Variants in UQCC2 observed in about 807,000 individuals in gnomAD.
UQCC2 encodes breast cancer-associated protein SGA-81M.
Under a neutral mutation model 19.9 loss-of-function variants are expected in UQCC2, and 21 were observed. The ratio of observed to expected loss-of-function variants is 1.05; its 90% CI spans 0.75 to 1.52. The LOEUF (loss-of-function observed/expected upper bound fraction) is 1.52, where lower values mean the gene tolerates loss of function less well. Ranked by LOEUF, UQCC2 falls within the 40% of genes most tolerant of loss-of-function variation. UQCC2 has a pLI of 0.00. For synonymous variants in UQCC2, 57 were observed against 60.9 expected (o/e 0.94, Z 0.30); for missense variants, 135 against 157.5 (o/e 0.86, Z 0.76).
rs550441724 is a variant in UQCC2 at position 33,697,857 on chromosome 6, CAG to C, written c.284-109_284-108del. On this transcript the variant is annotated intron_variant, in intron 3 of 3. Transcript: ENST00000607484. ...ACACAAGCATGGCTTGCTTTTCACA[CAG>C]TGTGTTCCTGAAAAAGGTGGAGACC... The C allele has an allele frequency of 0.02, 16,559 of 847,292 alleles. 225 individuals carry two copies. The highest frequency in any genetic ancestry group is 0.027 in the Non-Finnish European group (14,404 of 543,318). The allele number at this position is 847,292 out of a possible 1,614,324, so 52.5% of individuals were successfully genotyped here. A position where few individuals can be genotyped will look rare whatever the true frequency, so the allele number is the denominator to read the frequency against.
Position 33,697,716 on chromosome 6 carries a change from G to T in UQCC2, c.318C>A (p.Gly106=), listed in dbSNP as rs1043762072. The part of the protein sequence containing the change: ...TLEELKEIDK[G]MWKKLQEKFA... ...ACTTCTCCTGCAGTTTCTTCCACAT[G>T]CCTTTATCTATTTCCTTAAGCTCTT... Residue 106 remains glycine, a synonymous_variant, in exon 4 of 4, where the codon GGC becomes GGA. Transcript: ENST00000607484. 6.2e-7 allele frequency: 1 copy of T among 1,614,016 alleles called. No homozygotes were observed. Among genetic ancestry groups the T allele is most frequent in the African/African-American group, 1.3e-5 (1 of 74,924 alleles).
chr6:33,706,085 T>A (rs1052145084), intron 1 of UQCC2, among the ~76,000 whole-genome samples: 1 of 152,238 alleles, frequency 6.6e-6, no homozygotes, highest in African/African-American at 2.4e-5. Flanking sequence ...CTGCAGGCAC[T>A]GATTTCGATT....
intron 1 of UQCC2, among the ~76,000 whole-genome samples, chr6:33,709,975 G>GC (rs1765746868): frequency 6.6e-6 from 1 of 152,132 alleles, no homozygotes; most frequent in Non-Finnish European, 1.5e-5. Flanking sequence ...GCTTAACACC[G>GC]AACTCGAGAT....
At chr6:33,704,330 A>G (rs1279113672) in intron 1 of UQCC2, among the ~76,000 whole-genome samples, 1 of 152,220 alleles carries the variant, frequency 6.6e-6, no homozygotes, top group Non-Finnish European at 1.5e-5. Context: ...GGATGGGCGC[A>G]TGTACCGGCA....
rs771401181 is a variant in UQCC2 at position 33,707,487 on chromosome 6, G to C, written c.138+4062C>G. Among the ~76,000 whole-genome samples the C allele has an allele frequency of 2.6e-4, 40 of 152,230 alleles. 1 individual carries two copies. Among genetic ancestry groups the C allele is most frequent in the Non-Finnish European group, 4.9e-4 (33 of 68,032 alleles). ...AAAAAACCTTTGAATTCTCCTCTGA[G>C]AAGGTGGAAATACCATTTACCTTAT... On this transcript the variant is annotated intron_variant, in intron 1 of 3. Transcript: ENST00000607484.
Position 33,705,121 on chromosome 6 carries a change from T to C in UQCC2, c.139-3701A>G, listed in dbSNP as rs188566239. Reference sequence around the variant, plus strand: ...ATCTTGGCTCACTGCAAGCTCCGCCTCCCGGGTTCATGCCATTCTCCTGCC... The same window carrying C: ...ATCTTGGCTCACTGCAAGCTCCGCCCCCCGGGTTCATGCCATTCTCCTGCC... On this transcript the variant is annotated intron_variant, in intron 1 of 3. Coordinates refer to ENST00000607484, the MANE Select transcript of UQCC2 (RefSeq NM_032340.4). 4.1e-3 allele frequency among the ~76,000 whole-genome samples: 609 copies of C among 150,306 alleles called. 6 individuals carry two copies. Among genetic ancestry groups the C allele is most frequent in the African/African-American group, 0.013 (536 of 41,008 alleles).
At position 33,696,821 on chromosome 6, in the gene UQCC2, T is replaced by C. The variant is rs940110536; in HGVS notation, c.*832A>G. On this transcript the variant is annotated 3_prime_UTR_variant, in exon 4 of 4. Coordinates refer to ENST00000607484, the MANE Select transcript of UQCC2 (RefSeq NM_032340.4). ...GCATTTCAGAACATCCTGAGGAGTC[T>C]AGACACAGACGAGGTTAAGAACCCA... The C allele has an allele frequency of 1.5e-4, 23 of 152,396 alleles. No homozygotes were observed. The highest frequency in any genetic ancestry group is 4.3e-4 in the African/African-American group (18 of 41,590). 9.4% of individuals were successfully genotyped at this position (152,396 alleles called of 1,614,324 possible).
intron 2 of UQCC2, among the ~76,000 whole-genome samples, chr6:33,700,875 G>C (rs539218752): frequency 6.6e-6 from 1 of 152,314 alleles, no homozygotes; most frequent in South Asian, 2.1e-4. Context: ...GGCCACAAAT[G>C]TTTGTGGAGT....
chr6:33,705,778 G>A (rs1265826291), intron 1 of UQCC2, among the ~76,000 whole-genome samples: 3 of 152,152 alleles, frequency 2.0e-5, no homozygotes, highest in Non-Finnish European at 4.4e-5. Flanking sequence ...CTGATGAAAT[G>A]GACGGTGCAT....
At chr6:33,711,249 C>T (rs1364558540) in intron 1 of UQCC2, among the ~76,000 whole-genome samples, 1 of 152,170 alleles carries the variant, frequency 6.6e-6, no homozygotes, top group Non-Finnish European at 1.5e-5. Context: ...TGGGCTCAAG[C>T]GATCCTCCCG....
rs760871121 is a variant in UQCC2, at chr6:33,711,536, C to T, written c.138+13G>A. 2 of 1,591,140 alleles carry T rather than the reference C, an allele frequency of 1.3e-6. No individual in the cohort carries two copies. Among genetic ancestry groups the T allele is most frequent in the Non-Finnish European group, 8.6e-7 (1 of 1,169,166 alleles). On this transcript the variant is annotated intron_variant, in intron 1 of 3. Transcript: ENST00000607484. ...TTTCCTCCCCTCGTCCCAGCCGCCT[C>T]CCCGCCGGTCACCTGGGTATTCTCT... is the stretch of plus-strand genomic sequence containing the variant.
chr6:33,698,128 C>G (rs1325475982), intron 3 of UQCC2: 1 of 185,888 alleles, frequency 5.4e-6, no homozygotes, highest in Non-Finnish European at 1.1e-5. Flanking sequence ...GCCTGCTCCA[C>G]ACAGCCCTTC....
At chr6:33,711,322 G>A (rs1482266863) in intron 1 of UQCC2, among the ~76,000 whole-genome samples, 1 of 152,224 alleles carries the variant, frequency 6.6e-6, no homozygotes, top group African/African-American at 2.4e-5. Context: ...CCCATCTGGA[G>A]TTTAAAAAAA....
At chr6:33,710,215 A>G (rs1765749804) in intron 1 of UQCC2, among the ~76,000 whole-genome samples, 1 of 152,176 alleles carries the variant, frequency 6.6e-6, no homozygotes, top group Non-Finnish European at 1.5e-5. Flanking sequence ...TGTCGCTTAT[A>G]GTACCATAAT....
intron 3 of UQCC2, among the ~76,000 whole-genome samples, chr6:33,699,344 C>A (rs1312879500): frequency 6.6e-6 from 1 of 152,174 alleles, no homozygotes; most frequent in African/African-American, 2.4e-5. Context: ...TATCTCCCAG[C>A]CTTCGTTGCT....
chr6:33,701,266 T>C (rs1444682874), intron 2 of UQCC2, 80 bp downstream of exon 2: 8 of 1,447,314 alleles, frequency 5.5e-6, no homozygotes, highest in Non-Finnish European at 7.6e-6. Flanking sequence ...TTACAAAACA[T>C]TACCTAATCA....
intron 2 of UQCC2, 59 bp from the exon 3 acceptor site, chr6:33,700,572 C>T: frequency 6.4e-7 from 1 of 1,571,500 alleles, no homozygotes; most frequent in South Asian, 1.1e-5. Flanking sequence ...ACAAGCCCTG[C>T]TCTCTAACTG....
intron 1 of UQCC2, among the ~76,000 whole-genome samples, chr6:33,701,789 G>A (rs895800956): frequency 6.6e-6 from 1 of 151,828 alleles, no homozygotes; most frequent in African/African-American, 2.4e-5. Flanking sequence ...GGGCAGAGTG[G>A]GCTACAGGGA....
rs1765774074 is a variant in UQCC2 at position 33,711,618 on chromosome 6, C to G, written c.69G>C (p.Arg23=). The change falls in exon 1 of 4, where the codon CGG becomes CGC. Residue 23 remains arginine, a synonymous_variant. Transcript: ENST00000607484. ...CEEWPVDETK[R]GRDLGAYLRQ... is the part of the protein sequence containing the mutation. ...GCAGGTAAGCGCCCAAGTCCCGGCC[C>G]CGTTTGGTCTCGTCCACTGGCCATT... 3.7e-6 allele frequency: 6 copies of G among 1,614,046 alleles called. No homozygotes were observed. Among genetic ancestry groups the G allele is most frequent in the Non-Finnish European group, 5.1e-6 (6 of 1,179,952 alleles).
Sources: allele counts gnomAD v4.1 joint callset (sites outside exome capture counted in the v4.1 genomes callset), GRCh38; gene constraint gnomAD v4.1.1; transcripts MANE v1.5; gene names NCBI Gene and HGNC (gene_info 2026-07-23, HGNC 2026-07-21).